Variants in PROSER1 observed in about 807,000 individuals in gnomAD.
PROSER1 encodes the protein proline and serine rich 1.
A neutral mutation model predicts 71.8 loss-of-function variants in PROSER1; 36 were observed. The ratio of observed to expected loss-of-function variants is 0.50; its 90% CI spans 0.38 to 0.66. The LOEUF (loss-of-function observed/expected upper bound fraction) is 0.66. PROSER1 is among the 30% of genes least tolerant of loss of function. PROSER1 has a pLI of 0.00. For missense variants in PROSER1, 1,107 were observed against 1,135.0 expected (o/e 0.98, Z 0.35); for synonymous variants, 490 against 452.4 (o/e 1.08, Z -1.06).
At chr13:39,018,667 A>C (rs1870135589) in intron 9 of PROSER1, among the ~76,000 whole-genome samples, 1 of 152,178 alleles carries the variant, frequency 6.6e-6, no homozygotes, top group South Asian at 2.1e-4. Context: ...ATGCCAAAAA[A>C]AAATTTTTAA....
chr13:39,036,809 C>T (rs1871132571), intron 1 of PROSER1, among the ~76,000 whole-genome samples: 1 of 152,148 alleles, frequency 6.6e-6, no homozygotes, highest in South Asian at 2.1e-4. Flanking sequence ...TAATAACTAC[C>T]ATAAAAGAAA....
At chr13:39,012,314 TA>T (rs1242136235) in intron 11 of PROSER1, 81 bp from the exon 12 acceptor site, 120 of 1,425,138 alleles carry the variant, frequency 8.4e-5, no homozygotes, top group Non-Finnish European at 1.1e-4. Context: ...AATACAATCT[TA>T]AAATGTTAAA....
At chr13:39,023,264 C>T in intron 7 of PROSER1, 134 bp from the exon 8 acceptor site, 1 of 610,816 alleles carries the variant, frequency 1.6e-6, no homozygotes, top group Non-Finnish European at 2.9e-6. Flanking sequence ...CTACATGGGA[C>T]AACAAATGAG....
chr13:39,015,403 C>G (rs1304694799), intron 10 of PROSER1, among the ~76,000 whole-genome samples: 2 of 152,182 alleles, frequency 1.3e-5, no homozygotes, highest in African/African-American at 2.4e-5. Context: ...CAACTATCAT[C>G]TGATACTGTA....
intron 1 of PROSER1, among the ~76,000 whole-genome samples, chr13:39,036,099 T>C (rs944394692): frequency 2.6e-5 from 4 of 152,194 alleles, no homozygotes; most frequent in African/African-American, 7.2e-5. Flanking sequence ...AATTATTTTC[T>C]CATGAAAAGT....
intron 6 of PROSER1, among the ~76,000 whole-genome samples, chr13:39,024,926 C>G (rs549018462): frequency 5.9e-5 from 9 of 152,256 alleles, no homozygotes; most frequent in Admixed American, 2.0e-4. Flanking sequence ...ATAACCTGAA[C>G]ATATCCACCC....
rs749912392 is a variant in PROSER1 at position 39,013,361 on chromosome 13, C to T, written c.1891G>A (p.Gly631Ser). Residue 631 changes from glycine to serine, a missense_variant, in exon 11 of 13, where the codon GGC (glycine) becomes AGC (serine). Transcript: ENST00000352251. ...AATGTCCCTGACAAACCTAAAGTGC[C>T]ATGAGAGGGATTCCCAGAATGAGAT... ...GPSHSGNPSH[G>S]TLGLSGTLGR... 8 of 1,614,136 alleles carry T rather than the reference C, an allele frequency of 5.0e-6. No individual in the cohort carries two copies. The Admixed American group carries it at 5.0e-5, about 10-fold the overall frequency.
chr13:39,030,248 A>T (rs542472125), intron 3 of PROSER1, among the ~76,000 whole-genome samples: 26 of 152,344 alleles, frequency 1.7e-4, no homozygotes, highest in African/African-American at 6.3e-4. Context: ...TATATATCTG[A>T]AAGAACTTTG....
chr13:39,032,328 CACCTAAGA>C (rs1870885775), intron 2 of PROSER1, among the ~76,000 whole-genome samples: 1 of 152,124 alleles, frequency 6.6e-6, no homozygotes, highest in South Asian at 2.1e-4. Flanking sequence ...CTCCCACCAC[CACCTAAGA>C]ACTTCAAACA....
At chr13:39,027,905 T>C (rs1870620116) in intron 5 of PROSER1, among the ~76,000 whole-genome samples, 1 of 152,150 alleles carries the variant, frequency 6.6e-6, no homozygotes, top group Non-Finnish European at 1.5e-5. Context: ...ATTTGAAAAG[T>C]TAAGTTCCTA....
intron 2 of PROSER1, 42 bp downstream of exon 2, chr13:39,034,089 G>A: frequency 1.4e-6 from 2 of 1,388,056 alleles, no homozygotes; most frequent in Non-Finnish European, 2.0e-6. Flanking sequence ...CAGAACATTG[G>A]TATAAAAAGA....
chr13:39,021,827 A>C (rs1870304544), intron 9 of PROSER1, among the ~76,000 whole-genome samples: 1 of 152,166 alleles, frequency 6.6e-6, no homozygotes, highest in African/African-American at 2.4e-5. Context: ...TTTCCATAGC[A>C]CCCTAACCCT....
intron 9 of PROSER1, chr13:39,017,746 T>A: frequency 2.3e-6 from 1 of 442,238 alleles, no homozygotes; most frequent in Non-Finnish European, 3.9e-6. Flanking sequence ...CTACTCTATC[T>A]GAAGAGCAAG....
chr13:39,035,541 A>C (rs1182016353), intron 1 of PROSER1, among the ~76,000 whole-genome samples: 1 of 152,232 alleles, frequency 6.6e-6, no homozygotes, highest in African/African-American at 2.4e-5. Flanking sequence ...AGTGCTTAAA[A>C]ACAGGCTCAC....
At chr13:39,036,043 C>G (rs1428423247) in intron 1 of PROSER1, among the ~76,000 whole-genome samples, 1 of 152,152 alleles carries the variant, frequency 6.6e-6, no homozygotes, top group Non-Finnish European at 1.5e-5. Context: ...CACTGAGACC[C>G]TGTATCTTCC....
rs1870705076 is a variant in PROSER1, at chr13:39,029,247, T to TGAAGAAA, written c.275+33_275+34insTTTCTTC. ...AAACGCTTCTACATTTTTTCCCAAGTAAAAAAAAAAAAAAAAAAAAAAGAA... is the reference window on the plus strand; with the variant it reads ...AAACGCTTCTACATTTTTTCCCAAGTGAAGAAAAAAAAAAAAAAAAAAAAAAAAAGAA... On this transcript the variant is annotated intron_variant, in intron 4 of 12. Coordinates refer to ENST00000352251, the MANE Select transcript of PROSER1 (RefSeq NM_025138.5). 1.5e-5 allele frequency: 11 copies of TGAAGAAA among 743,910 alleles called. No individual in the cohort carries two copies. The African/African-American group carries it at 1.7e-4, about 12-fold the overall frequency. The allele number at this position is 743,910 out of a possible 1,614,324, so 46.1% of individuals were successfully genotyped here.
At chr13:39,037,114 C>T in intron 1 of PROSER1, 84 bp downstream of exon 1, 1 of 1,062,210 alleles carries the variant, frequency 9.4e-7, no homozygotes, top group Non-Finnish European at 1.5e-6. Context: ...CCTTATTCTG[C>T]ACAATCTCCA....
intron 9 of PROSER1, among the ~76,000 whole-genome samples, chr13:39,020,976 G>A (rs998521808): frequency 5.3e-5 from 8 of 152,252 alleles, no homozygotes; most frequent in African/African-American, 1.4e-4. Flanking sequence ...TCCATAGCAC[G>A]TCAAAGTTTT....
intron 7 of PROSER1, chr13:39,023,734 C>T (rs11619180): frequency 6.6e-6 from 1 of 152,386 alleles, no homozygotes; most frequent in Non-Finnish European, 1.5e-5. Flanking sequence ...TGGAGCTTAC[C>T]TAAGTAACAA....
Sources: gnomAD v4.1 joint callset for allele counts (sites outside exome capture counted in the v4.1 genomes callset) on GRCh38, gnomAD v4.1.1 for gene constraint, MANE v1.5 for transcripts, NCBI Gene and HGNC (gene_info 2026-07-23, HGNC 2026-07-21) for gene names.